The following PDE4D variants were observed in gnomAD, a reference collection of about 807,000 sequenced individuals.
The protein encoded by PDE4D is phosphodiesterase 4D.
Under a neutral mutation model 87.4 loss-of-function variants are expected in PDE4D, and 24 were observed. The ratio of observed to expected loss-of-function variants is 0.27; its 90% CI spans 0.20 to 0.39. PDE4D has a LOEUF of 0.39. Among genes scored for constraint, PDE4D ranks in the 10% least tolerant of loss-of-function variants. The pLI, the probability that PDE4D is intolerant of heterozygous loss-of-function variation, is 1.00. For missense variants in PDE4D, 714 were observed against 1,041.0 expected (o/e 0.69, Z 4.32); for synonymous variants, 384 against 383.2 (o/e 1.00, Z -0.02).
At chr5:59,264,627 A>T (rs557447340) in intron 1 of PDE4D, among the ~76,000 whole-genome samples, 86 of 151,902 alleles carry the variant, frequency 5.7e-4, no homozygotes, top group Non-Finnish European at 1.1e-3. Context: ...TTAATGGTTA[A>T]TTTTTTTTCC....
chr5:59,322,903 T>C (rs557661069), intron 1 of PDE4D, among the ~76,000 whole-genome samples: 1 of 152,154 alleles, frequency 6.6e-6, no homozygotes, highest in African/African-American at 2.4e-5. Flanking sequence ...TTAGTAGGAC[T>C]ATGAGCAAGA....
At chr5:59,619,931 T>C (rs886102482) in intron 1 of PDE4D, among the ~76,000 whole-genome samples, 9 of 152,212 alleles carry the variant, frequency 5.9e-5, no homozygotes, top group Non-Finnish European at 1.3e-4. Flanking sequence ...AGCACTGTTA[T>C]GCTTTGCTTT....
At chr5:59,100,545 A>G (rs77273899) in intron 5 of PDE4D, among the ~76,000 whole-genome samples, 2,040 of 152,258 alleles carry the variant, frequency 0.013, 54 homozygotes, top group African/African-American at 0.046. Flanking sequence ...GTCCATTATG[A>G]CATCTTAGTC....
intron 1 of PDE4D, among the ~76,000 whole-genome samples, chr5:60,367,058 C>T (rs569962691): frequency 8.5e-5 from 13 of 152,202 alleles, no homozygotes; most frequent in South Asian, 6.2e-4. Context: ...ACATGCCTTC[C>T]GGGTGGGTGG....
intron 1 of PDE4D, among the ~76,000 whole-genome samples, chr5:59,227,553 CA>C (rs976304257): frequency 6.6e-6 from 1 of 151,994 alleles, no homozygotes; most frequent in African/African-American, 2.4e-5. Context: ...AACATTCAAG[CA>C]AAAACCAAAC....
chr5:59,431,177 T>C lies in PDE4D; in HGVS notation c.456-215209A>G, dbSNP rs1004542207. 3.3e-5 allele frequency among the ~76,000 whole-genome samples: 5 copies of C among 152,274 alleles called. No homozygotes were observed. In the East Asian group the frequency reaches 7.7e-4, roughly 23 times the overall value. Reference sequence around the variant, plus strand: ...CTTTGAACGAAGATCTATGGAATCATTGATAGTGAATGTTACTAATTCTTT... The same window carrying C: ...CTTTGAACGAAGATCTATGGAATCACTGATAGTGAATGTTACTAATTCTTT... On this transcript the variant is annotated intron_variant, in intron 1 of 14. Coordinates refer to ENST00000340635, the MANE Select transcript of PDE4D (RefSeq NM_001104631.2).
At chr5:59,402,522 C>A (rs1790843343) in intron 1 of PDE4D, among the ~76,000 whole-genome samples, 1 of 152,096 alleles carries the variant, frequency 6.6e-6, no homozygotes, top group Non-Finnish European at 1.5e-5. Flanking sequence ...AGTTAGTGAC[C>A]ATGTTAAACC....
At chr5:59,210,770 T>G (rs541264144) in intron 2 of PDE4D, among the ~76,000 whole-genome samples, 1 of 152,214 alleles carries the variant, frequency 6.6e-6, no homozygotes, top group Non-Finnish European at 1.5e-5. Flanking sequence ...TATGTGTTGG[T>G]GTTAATTTAA....
chr5:59,220,009 T>C (rs1561740786), intron 1 of PDE4D, among the ~76,000 whole-genome samples: 1 of 152,120 alleles, frequency 6.6e-6, no homozygotes, highest in Non-Finnish European at 1.5e-5. Context: ...TGGGGACCTA[T>C]AAAAATGGCA....
intron 1 of PDE4D, among the ~76,000 whole-genome samples, chr5:59,316,447 G>A (rs928758245): frequency 6.6e-6 from 1 of 151,998 alleles, no homozygotes; most frequent in Non-Finnish European, 1.5e-5. Context: ...TATATACTGG[G>A]GTTGAGATGG....
intron 1 of PDE4D, among the ~76,000 whole-genome samples, chr5:59,769,409 G>C (rs1351306511): frequency 6.6e-6 from 1 of 152,160 alleles, no homozygotes; most frequent in Non-Finnish European, 1.5e-5. Context: ...GTTTTCATAA[G>C]AGTAGTTTCA....
chr5:60,001,524 C>T (rs529474006), intron 2 of PDE4D, among the ~76,000 whole-genome samples: 1 of 152,092 alleles, frequency 6.6e-6, no homozygotes, highest in East Asian at 1.9e-4. Context: ...GAATGAAAAG[C>T]TGCTAAATAA....
intron 1 of PDE4D, among the ~76,000 whole-genome samples, chr5:59,580,479 T>G (rs1823911678): frequency 6.6e-6 from 1 of 152,170 alleles, no homozygotes. Context: ...CTTCTTTTAT[T>G]TTTTTGAGAC....
At chr5:59,358,313 G>C (rs1039804503) in intron 1 of PDE4D, among the ~76,000 whole-genome samples, 2 of 152,190 alleles carry the variant, frequency 1.3e-5, no homozygotes, top group Admixed American at 1.3e-4. Flanking sequence ...GAGGAGCAGA[G>C]AGTTCAAAAA....
intron 1 of PDE4D, among the ~76,000 whole-genome samples, chr5:60,210,071 T>C (rs1036714189): frequency 6.6e-6 from 1 of 152,156 alleles, no homozygotes. Flanking sequence ...CATACTAACT[T>C]AGAATCTACA....
chr5:59,552,701 T>C (rs1054797134), intron 1 of PDE4D, among the ~76,000 whole-genome samples: 1 of 152,206 alleles, frequency 6.6e-6, no homozygotes, highest in Non-Finnish European at 1.5e-5. Context: ...GTCTATTGCT[T>C]TTTCTTTCAC....
rs578072323 is a variant in PDE4D, at chr5:59,898,974, G to A, written c.272+89514C>T. Among the ~76,000 whole-genome samples, 3 of 152,210 alleles carry A rather than the reference G, an allele frequency of 2.0e-5. No homozygotes were observed. The South Asian group carries it at 6.2e-4, about 32-fold the overall frequency. On this transcript the variant is annotated intron_variant, in intron 3 of 16. Transcript: ENST00000502484. ...GTTGAACTGCAGGGCACAGATGGAA[G>A]CATTTGCCCAAACTAGAAAAAAGCC...
At chr5:60,349,555 G>T (rs1399827772) in intron 1 of PDE4D, among the ~76,000 whole-genome samples, 1 of 152,158 alleles carries the variant, frequency 6.6e-6, no homozygotes, top group Non-Finnish European at 1.5e-5. Context: ...TTCATTTCAA[G>T]CCAAAGTCCA....
intron 2 of PDE4D, among the ~76,000 whole-genome samples, chr5:60,122,222 A>T (rs1181504441): frequency 6.6e-6 from 1 of 152,054 alleles, no homozygotes; most frequent in African/African-American, 2.4e-5. Context: ...CTGTCATTGG[A>T]TCTACCATTC....
Sources: allele counts gnomAD v4.1 joint callset (sites outside exome capture counted in the v4.1 genomes callset), GRCh38; gene constraint gnomAD v4.1.1; transcripts MANE v1.5; gene names NCBI Gene and HGNC (gene_info 2026-07-23, HGNC 2026-07-21).